The following RBPMS2 variants were observed in gnomAD, a reference collection of about 807,000 sequenced individuals.
RBPMS2 encodes RNA binding protein, mRNA processing factor 2.
In RBPMS2, 14 loss-of-function variants were observed where a neutral mutation model predicts 25.7. The observed-to-expected ratio is 0.55, with a 90% CI of 0.36 to 0.85. The LOEUF (loss-of-function observed/expected upper bound fraction) is 0.85, where lower values mean the gene tolerates loss of function less well. Ranked by LOEUF, RBPMS2 falls within the 40% of genes least tolerant of loss-of-function variation. RBPMS2 has a pLI of 0.01. For synonymous variants in RBPMS2, 127 were observed against 115.6 expected, an observed-to-expected ratio of 1.10 and a Z score of -0.63; for missense variants, 252 against 283.4, an observed-to-expected ratio of 0.89 and a Z score of 0.80.
At chr15:64,743,354 C>T (rs1056575903) in intron 6 of RBPMS2, among the ~76,000 whole-genome samples, 2 of 152,272 alleles carry the variant, frequency 1.3e-5, no homozygotes, top group African/African-American at 2.4e-5. Flanking sequence ...TCCCAAGCAG[C>T]GACTTTCCCT....
intron 6 of RBPMS2, among the ~76,000 whole-genome samples, chr15:64,741,654 C>A (rs1265034606): frequency 1.3e-5 from 2 of 152,218 alleles, no homozygotes; most frequent in African/African-American, 2.4e-5. Flanking sequence ...TGTTTGACTT[C>A]TTTGGGTCTC....
rs1019140170 is a variant in RBPMS2, at chr15:64,749,331, A to G, written c.267+100T>C. 21 of 1,344,012 alleles carry G rather than the reference A, an allele frequency of 1.6e-5. No homozygotes were observed. In the African/African-American group the frequency reaches 1.7e-4, roughly 11 times the overall value. The allele number at this position is 1,344,012 out of a possible 1,614,324, so 83.3% of individuals were successfully genotyped here. A position where few individuals can be genotyped will look rare whatever the true frequency, so the allele number is the denominator to read the frequency against. ...GGCCTTTGGCACAGACAGTGTCGCC[A>G]AGGACTCTGCCCAGGGATGGCCGGG... is the stretch of plus-strand genomic sequence containing the variant. On this transcript the variant is annotated intron_variant, in intron 4 of 7. Coordinates refer to ENST00000300069, the MANE Select transcript of RBPMS2 (RefSeq NM_194272.3).
intron 1 of RBPMS2, among the ~76,000 whole-genome samples, chr15:64,774,567 G>A (rs1261440953): frequency 6.6e-6 from 1 of 152,052 alleles, no homozygotes; most frequent in Non-Finnish European, 1.5e-5. Flanking sequence ...TGGGGTCCTG[G>A]CTTGGTTGCC....
intron 1 of RBPMS2, among the ~76,000 whole-genome samples, chr15:64,755,128 T>C (rs1037118998): frequency 2.0e-5 from 3 of 152,132 alleles, no homozygotes; most frequent in African/African-American, 7.2e-5. Context: ...GAGTTTCCGC[T>C]TGGGGTAGGG....
At chr15:64,771,312 G>C (rs2083891409) in intron 1 of RBPMS2, among the ~76,000 whole-genome samples, 2 of 152,328 alleles carry the variant, frequency 1.3e-5, no homozygotes, top group African/African-American at 4.8e-5. Flanking sequence ...CGATATCTGA[G>C]GCGGATTGGT....
At chr15:64,750,576 T>A (rs896112936) in intron 2 of RBPMS2, among the ~76,000 whole-genome samples, 195 bp from the exon 3 acceptor site, 2 of 152,132 alleles carry the variant, frequency 1.3e-5, no homozygotes, top group African/African-American at 4.8e-5. Flanking sequence ...GTCTAGCACA[T>A]AGGGTGGGCA....
At position 64,748,577 on chromosome 15, in the gene RBPMS2, G is replaced by A. The variant is rs761947222; in HGVS notation, c.419-10C>T. 3.3e-6 allele frequency: 5 copies of A among 1,530,324 alleles called. No homozygotes were observed. Among genetic ancestry groups the A allele is most frequent in the South Asian group, 1.3e-5 (1 of 77,844 alleles). The allele number at this position is 1,530,324 out of a possible 1,614,324, so 94.8% of individuals were successfully genotyped here. On this transcript the variant is annotated splice_polypyrimidine_tract_variant and intron_variant, in intron 5 of 7. Transcript: ENST00000300069. ...GCCCCCATCAGGTCATCTACAACAG[G>A]AGACAATGGCCTCCATCATCAGAAC...
chr15:64,765,979 G>A lies in RBPMS2; in HGVS notation c.87+9254C>T, dbSNP rs973263375. 1.2e-4 allele frequency among the ~76,000 whole-genome samples: 11 copies of A among 94,766 alleles called. No individual in the cohort carries two copies. The East Asian group carries it at 3.6e-3, about 31-fold the overall frequency. 62.2% of individuals were successfully genotyped at this position (94,766 alleles called of 152,430 possible). ...CTGCACTCCAGCCTGGCAACAGAGC[G>A]AGACTGTCTCAAAAAAAAAAAAAAT... On this transcript the variant is annotated intron_variant, in intron 1 of 7. Transcript: ENST00000300069.
intron 6 of RBPMS2, among the ~76,000 whole-genome samples, chr15:64,747,771 G>A (rs934995353): frequency 2.6e-5 from 4 of 152,158 alleles, no homozygotes; most frequent in African/African-American, 9.7e-5. Flanking sequence ...CCCACACAGA[G>A]CCTTCCTGGC....
chr15:64,775,167 G>C, intron 1 of RBPMS2, 66 bp downstream of exon 1: 4 of 885,416 alleles, frequency 4.5e-6, no homozygotes, highest in Admixed American at 5.1e-5. Flanking sequence ...GGCAGGCCCC[G>C]CTCGCCCTCT....
chr15:64,758,713 G>A (rs907033476), intron 1 of RBPMS2, among the ~76,000 whole-genome samples: 1 of 151,282 alleles, frequency 6.6e-6, no homozygotes, highest in Non-Finnish European at 1.5e-5. Context: ...TCTGAGGCAA[G>A]TCTTGCCTCT....
At chr15:64,769,100 CA>C (rs1167404963) in intron 1 of RBPMS2, among the ~76,000 whole-genome samples, 2,648 of 27,588 alleles carry the variant, frequency 0.096, 16 homozygotes, top group African/African-American at 0.24. Flanking sequence ...GACTTCGTCT[CA>C]AAAAAAAAAA....
At chr15:64,743,097 C>G (rs1219358274) in intron 6 of RBPMS2, among the ~76,000 whole-genome samples, 1 of 152,218 alleles carries the variant, frequency 6.6e-6, no homozygotes, top group Admixed American at 6.5e-5. Context: ...TTAGTGGGCC[C>G]TGACCACTGC....
chr15:64,768,365 T>G (rs1046125751), intron 1 of RBPMS2, among the ~76,000 whole-genome samples: 2 of 151,638 alleles, frequency 1.3e-5, no homozygotes, highest in African/African-American at 4.8e-5. Flanking sequence ...CGAGGCCAGG[T>G]GCAGTGACTC....
intron 1 of RBPMS2, among the ~76,000 whole-genome samples, chr15:64,756,491 T>C (rs868222524): frequency 5.4e-5 from 8 of 147,042 alleles, no homozygotes; most frequent in South Asian, 2.1e-4. Context: ...CACTCCATCC[T>C]GGGCAGGAGA....
chr15:64,750,593 G>A lies in RBPMS2; in HGVS notation c.166-212C>T, dbSNP rs561666512. 1.5e-3 allele frequency among the ~76,000 whole-genome samples: 228 copies of A among 152,280 alleles called. 1 individual carries two copies. The highest frequency in any genetic ancestry group is 1.7e-3 in the Non-Finnish European group (119 of 68,026). The stretch of plus-strand genomic sequence containing the variant: ...CTAGCACATAGGGTGGGCATCACGC[G>A]GCAGCACTCATCACTTCAGGCAGAA... On this transcript the variant is annotated intron_variant, in intron 2 of 7. Transcript: ENST00000300069.
intron 6 of RBPMS2, among the ~76,000 whole-genome samples, chr15:64,744,032 C>T (rs1357191683): frequency 6.6e-6 from 1 of 151,146 alleles, no homozygotes; most frequent in Non-Finnish European, 1.5e-5. Context: ...TGCTTGAGCC[C>T]AGGAGGCAGA....
Position 64,740,877 on chromosome 15 carries a change from G to A in RBPMS2, c.*131C>T. On this transcript the variant is annotated 3_prime_UTR_variant, in exon 8 of 8. Coordinates refer to ENST00000300069, the MANE Select transcript of RBPMS2 (RefSeq NM_194272.3). The stretch of plus-strand genomic sequence containing the variant: ...AACAGGAAGCAGTCCACTGAGTCAG[G>A]CTTGGGATTCACAGTCTCTGGAGGG... 1 of 299,678 alleles carries A rather than the reference G, an allele frequency of 3.3e-6. No homozygotes were observed. 18.6% of individuals were successfully genotyped at this position (299,678 alleles called of 1,614,324 possible).
At chr15:64,750,447 C>A in intron 2 of RBPMS2, 66 bp from the exon 3 acceptor site, 1 of 1,379,740 alleles carries the variant, frequency 7.2e-7, no homozygotes, top group Non-Finnish European at 1.0e-6. Context: ...CCAGCGCTGC[C>A]ACCTCATCAG....
Sources: gnomAD v4.1 joint callset for allele counts (sites outside exome capture counted in the v4.1 genomes callset) on GRCh38, gnomAD v4.1.1 for gene constraint, MANE v1.5 for transcripts, NCBI Gene and HGNC (gene_info 2026-07-23, HGNC 2026-07-21) for gene names.